DLG2: variants seen among roughly 807,000 people sequenced by gnomAD.
The protein encoded by DLG2 is discs large MAGUK scaffold protein 2, also known as disks large homolog 2.
In DLG2, 45 loss-of-function variants were observed where a neutral mutation model predicts 132.5. The ratio of observed to expected loss-of-function variants is 0.34; its 90% CI spans 0.27 to 0.44. DLG2 has a LOEUF of 0.44. Among genes scored for constraint, DLG2 ranks in the 20% least tolerant of loss-of-function variants. The probability of loss-of-function intolerance (pLI) is 1.00; values close to 1 mark genes in which losing one functional copy is unlikely to be tolerated. For missense variants in DLG2, 1,045 were observed against 1,196.9 expected, an observed-to-expected ratio of 0.87 and a Z score of 1.87; for synonymous variants, 424 against 419.6, an observed-to-expected ratio of 1.01 and a Z score of -0.13.
chr11:83,844,103 T>C (rs987679779), intron 16 of DLG2, among the ~76,000 whole-genome samples: 1 of 152,074 alleles, frequency 6.6e-6, no homozygotes, highest in African/African-American at 2.4e-5. Flanking sequence ...GTGAGCCCAG[T>C]GGTGGGATTA....
At chr11:84,866,975 C>A (rs1272700312) in intron 6 of DLG2, among the ~76,000 whole-genome samples, 1 of 152,142 alleles carries the variant, frequency 6.6e-6, no homozygotes, top group African/African-American at 2.4e-5. Context: ...GTATCCCTTG[C>A]ACACATTCAT....
chr11:83,612,637 C>T (rs772389461), intron 19 of DLG2, among the ~76,000 whole-genome samples: 3 of 152,104 alleles, frequency 2.0e-5, no homozygotes, highest in Non-Finnish European at 4.4e-5. Context: ...TTTTCTACAA[C>T]CATTATAACG....
At chr11:84,948,191 G>A (rs750749497) in intron 6 of DLG2, among the ~76,000 whole-genome samples, 3 of 152,210 alleles carry the variant, frequency 2.0e-5, no homozygotes, top group East Asian at 1.9e-4. Context: ...CTTCTCCCAC[G>A]CTGCTGGAAG....
intron 2 of DLG2, among the ~76,000 whole-genome samples, chr11:85,606,027 T>C (rs1483181079): frequency 6.6e-6 from 1 of 151,070 alleles, no homozygotes; most frequent in Non-Finnish European, 1.5e-5. Flanking sequence ...ACCATGGGAG[T>C]AGAGAATTAA....
intron 8 of DLG2, among the ~76,000 whole-genome samples, chr11:84,168,751 G>T (rs1390198285): frequency 1.3e-5 from 2 of 151,616 alleles, no homozygotes; most frequent in South Asian, 4.2e-4. Flanking sequence ...TCTGAGCTTG[G>T]CTCCTCTCAG....
chr11:84,353,036 G>C (rs1292964242), intron 7 of DLG2, among the ~76,000 whole-genome samples: 5 of 151,990 alleles, frequency 3.3e-5, no homozygotes, highest in African/African-American at 7.2e-5. Context: ...ACTTAAATGT[G>C]TTCAAATATC....
chr11:84,413,258 G>A (rs1276121504), intron 7 of DLG2, among the ~76,000 whole-genome samples: 2 of 152,220 alleles, frequency 1.3e-5, no homozygotes, highest in African/African-American at 4.8e-5. Flanking sequence ...AAACCATCAT[G>A]TCTCCACCTG....
At chr11:84,448,135 T>G (rs772989670) in intron 7 of DLG2, among the ~76,000 whole-genome samples, 12 of 152,242 alleles carry the variant, frequency 7.9e-5, no homozygotes, top group Non-Finnish European at 4.4e-5. Flanking sequence ...CACAGACATT[T>G]AAACACCACT....
chr11:84,972,459 T>C (rs752305785), intron 6 of DLG2, among the ~76,000 whole-genome samples: 1 of 152,258 alleles, frequency 6.6e-6, no homozygotes, highest in Non-Finnish European at 1.5e-5. Flanking sequence ...TAAGTTTCCT[T>C]TCTTGATGAA....
At position 84,726,576 on chromosome 11, in the gene DLG2, G is replaced by A. The variant is rs145853232; in HGVS notation, c.358-191845C>T. 3.0e-3 allele frequency among the ~76,000 whole-genome samples: 458 copies of A among 152,252 alleles called. 3 individuals carry two copies. Among genetic ancestry groups the A allele is most frequent in the African/African-American group, 0.01 (418 of 41,548 alleles). On this transcript the variant is annotated intron_variant, in intron 6 of 27. Coordinates refer to ENST00000376104, the MANE Select transcript of DLG2 (RefSeq NM_001142699.3). ...GTGAATAGTGCTGCAGTAAACATGC[G>A]TGTGTATGTGTCTTTATAGTAGAAT...
intron 15 of DLG2, among the ~76,000 whole-genome samples, chr11:83,929,536 A>C (rs1470384017): frequency 6.6e-6 from 1 of 152,186 alleles, no homozygotes; most frequent in East Asian, 1.9e-4. Context: ...GAATACTAAC[A>C]CAGAATTGTG....
intron 6 of DLG2, among the ~76,000 whole-genome samples, chr11:84,615,906 C>A: frequency 6.9e-6 from 1 of 143,974 alleles, no homozygotes. Flanking sequence ...ATCCATTCAA[C>A]ATATGTCAGA....
chr11:85,123,812 T>C (rs1167683786), intron 5 of DLG2, among the ~76,000 whole-genome samples: 1 of 152,134 alleles, frequency 6.6e-6, no homozygotes, highest in Non-Finnish European at 1.5e-5. Flanking sequence ...AAAACAGAGA[T>C]ATGAGGGGCA....
intron 11 of DLG2, among the ~76,000 whole-genome samples, chr11:84,034,210 G>T (rs1379990367): frequency 6.6e-6 from 1 of 152,138 alleles, no homozygotes; most frequent in East Asian, 1.9e-4. Context: ...TCAACACTGA[G>T]GCAATATCTT....
intron 6 of DLG2, among the ~76,000 whole-genome samples, chr11:84,844,971 G>A (rs1214072832): frequency 1.3e-5 from 2 of 152,108 alleles, no homozygotes; most frequent in Non-Finnish European, 2.9e-5. Flanking sequence ...TTGTTTTGAA[G>A]AACACTTGCA....
intron 9 of DLG2, among the ~76,000 whole-genome samples, chr11:84,143,081 T>C (rs1196686898): frequency 6.6e-6 from 1 of 152,202 alleles, no homozygotes; most frequent in Non-Finnish European, 1.5e-5. Context: ...TCCTGACTGA[T>C]ACAGTGTCTT....
chr11:84,880,585 T>G (rs2087156788), intron 6 of DLG2, among the ~76,000 whole-genome samples: 1 of 152,166 alleles, frequency 6.6e-6, no homozygotes, highest in African/African-American at 2.4e-5. Context: ...ATGATGAAGA[T>G]TCTTTGAACA....
chr11:83,698,900 G>A (rs777179075), intron 18 of DLG2, among the ~76,000 whole-genome samples: 10 of 152,178 alleles, frequency 6.6e-5, no homozygotes, highest in Non-Finnish European at 1.0e-4. Flanking sequence ...GAGGCAGAGG[G>A]CTGCTAAATG....
chr11:85,095,102 T>C (rs2069501662), intron 6 of DLG2, among the ~76,000 whole-genome samples: 1 of 152,196 alleles, frequency 6.6e-6, no homozygotes, highest in Admixed American at 6.5e-5. Context: ...AGTGAAGTTC[T>C]TGATCCTATA....
Sources: allele counts gnomAD v4.1 joint callset (sites outside exome capture counted in the v4.1 genomes callset), GRCh38; gene constraint gnomAD v4.1.1; transcripts MANE v1.5; gene names NCBI Gene and HGNC (gene_info 2026-07-23, HGNC 2026-07-21).